Variants in PLCG2 observed in about 807,000 individuals in gnomAD.
The protein encoded by PLCG2 is phospholipase C gamma 2.
In PLCG2, 69 loss-of-function variants were observed where a neutral mutation model predicts 175.6. That is an observed-to-expected ratio of 0.39 (90% confidence interval 0.32 to 0.48). The LOEUF is 0.48. PLCG2 is among the 20% of genes least tolerant of loss of function. The pLI is 0.91. For synonymous variants in PLCG2, 827 were observed against 624.0 expected, an observed-to-expected ratio of 1.33 and a Z score of -4.85; for missense variants, 1,798 against 1,650.9, an observed-to-expected ratio of 1.09 and a Z score of -1.54.
At position 81,912,643 on chromosome 16, in the gene PLCG2, A is replaced by G. The variant is rs778096311; in HGVS notation, c.1981A>G (p.Met661Val). 2.5e-6 allele frequency: 4 copies of G among 1,613,338 alleles called. No homozygotes were observed. In the East Asian group the frequency reaches 8.9e-5, roughly 36 times the overall value. The change falls in exon 19 of 33, where the codon ATG (methionine) becomes GTG (valine). Residue 661 changes from methionine (M) to valine (V), a missense_variant. Transcript: ENST00000564138. ...CCGCGGAGAGGCAGAGGACATGCTGATGAGGATTCCCCGGGACGGGGCCTT... is the reference window on the plus strand; with the variant it reads ...CCGCGGAGAGGCAGAGGACATGCTGGTGAGGATTCCCCGGGACGGGGCCTT... ...LSRGEAEDML[M>V]RIPRDGAFLI...
intron 21 of PLCG2, chr16:81,921,739 T>C (rs1411281561): frequency 1.2e-5 from 3 of 240,042 alleles, no homozygotes; most frequent in Non-Finnish European, 1.6e-5. Flanking sequence ...TCAAATTTAG[T>C]TTGAGCCGGC....
chr16:81,744,093 C>T (rs1345792579), intron 1 of PLCG2, among the ~76,000 whole-genome samples: 5 of 151,232 alleles, frequency 3.3e-5, no homozygotes, highest in African/African-American at 4.9e-5. Context: ...CTCCTGACCT[C>T]GTAATCCACC....
In PLCG2 at chr16:81,766,136, T is replaced by C. The variant is rs536772679; in HGVS notation, c.-48+10170T>C. 3.0e-3 allele frequency among the ~76,000 whole-genome samples: 453 copies of C among 152,334 alleles called. 1 individual carries two copies. The highest frequency in any genetic ancestry group is 5.2e-3 in the Admixed American group (80 of 15,292). On this transcript the variant is annotated intron_variant, in intron 2 of 5. Transcript: ENST00000565054. The stretch of plus-strand genomic sequence containing the variant: ...TGGAGCTGGTTTGATTTTGTCAACA[T>C]GGGCACTGTTTATGATGGCAACAGC...
intron 7 of PLCG2, among the ~76,000 whole-genome samples, chr16:81,877,469 A>G (rs1424978801): frequency 1.3e-5 from 2 of 152,194 alleles, no homozygotes; most frequent in African/African-American, 2.4e-5. Context: ...AAACAAAACA[A>G]CAAAACACAG....
At chr16:81,824,459 G>A (rs949722984) in intron 2 of PLCG2, among the ~76,000 whole-genome samples, 4 of 152,128 alleles carry the variant, frequency 2.6e-5, no homozygotes, top group African/African-American at 7.2e-5. Flanking sequence ...CTTGTGATTT[G>A]TCAGCAAACA....
At chr16:81,787,164 T>C (rs1216454231) in intron 2 of PLCG2, among the ~76,000 whole-genome samples, 1 of 152,226 alleles carries the variant, frequency 6.6e-6, no homozygotes, top group South Asian at 2.1e-4. Context: ...CATTTCATGC[T>C]ATTTCCAGGC....
intron 31 of PLCG2, among the ~76,000 whole-genome samples, chr16:81,955,616 G>A (rs970818890): frequency 2.6e-5 from 4 of 152,184 alleles, no homozygotes; most frequent in Non-Finnish European, 2.9e-5. Context: ...CTCACTCAGT[G>A]GCTGTTTTCC....
chr16:81,815,440 A>G (rs1904500925), intron 2 of PLCG2, among the ~76,000 whole-genome samples: 1 of 152,182 alleles, frequency 6.6e-6, no homozygotes, highest in Admixed American at 6.5e-5. Flanking sequence ...CCAGCGGGAA[A>G]CTGCAGGGGC....
chr16:81,945,994 C>T (rs187676892), intron 30 of PLCG2, among the ~76,000 whole-genome samples, 181 bp from the exon 31 acceptor site: 66 of 152,238 alleles, frequency 4.3e-4, no homozygotes, highest in Non-Finnish European at 7.9e-4. Context: ...TCATGGCTGC[C>T]GGCCTCTGTC....
chr16:81,869,338 G>T (rs563204700), intron 6 of PLCG2, 40 bp downstream of exon 6: 1 of 1,397,408 alleles, frequency 7.2e-7, no homozygotes, highest in Non-Finnish European at 1.0e-6. Context: ...TATGAATGCG[G>T]AGTGACTTAG....
At chr16:81,867,067 C>T (rs890524783) in intron 5 of PLCG2, among the ~76,000 whole-genome samples, 5 of 152,216 alleles carry the variant, frequency 3.3e-5, no homozygotes, top group Non-Finnish European at 7.3e-5. Context: ...TGGGGAGCAT[C>T]TTGTCATTTG....
chr16:81,815,169 G>A (rs542593063), intron 2 of PLCG2, among the ~76,000 whole-genome samples: 1 of 152,276 alleles, frequency 6.6e-6, no homozygotes, highest in African/African-American at 2.4e-5. Flanking sequence ...GCTCTGGAAC[G>A]CCTCTTCATG....
rs187450589 is a variant in PLCG2, at chr16:81,920,050, G to A, written c.2235+386G>A. On this transcript the variant is annotated intron_variant, in intron 20 of 32. Coordinates refer to ENST00000564138, the MANE Select transcript of PLCG2 (RefSeq NM_002661.5). ...TCTGGAGGAAGAGAGGATAGCATGCGCAAAGGTCCTGAGGTAGAAGCCTGC... is the reference window on the plus strand; with the variant it reads ...TCTGGAGGAAGAGAGGATAGCATGCACAAAGGTCCTGAGGTAGAAGCCTGC... 1.4e-4 allele frequency among the ~76,000 whole-genome samples: 21 copies of A among 152,290 alleles called. No homozygotes were observed. The East Asian group carries it at 1.7e-3, about 13-fold the overall frequency.
intron 5 of PLCG2, among the ~76,000 whole-genome samples, chr16:81,864,670 A>G (rs1449058290): frequency 2.0e-5 from 3 of 152,178 alleles, no homozygotes; most frequent in Admixed American, 6.5e-5. Context: ...TAAACACTTG[A>G]CGAATGTTTC....
chr16:81,907,730 T>G lies in PLCG2; in HGVS notation c.1513T>G (p.Phe505Val), dbSNP rs1909437904. The G allele has an allele frequency of 1.2e-6, 2 of 1,613,904 alleles. No individual in the cohort carries two copies. The highest frequency in any genetic ancestry group is 1.7e-6 in the Non-Finnish European group (2 of 1,179,918). The change falls in exon 16 of 33, where the codon TTC (phenylalanine) becomes GTC (valine). Residue 505 changes from phenylalanine to valine, a missense_variant. Phe to Val is a conservative substitution (Grantham distance 50, BLOSUM62 -1). Coordinates refer to ENST00000564138, the MANE Select transcript of PLCG2 (RefSeq NM_002661.5). ...CGCCATTGCCGATGCCAAGCTGTCC[T>G]TCAGTGATGACATTGAACAGACTAT... ...YCAIADAKLS[F>V]SDDIEQTMEE...
At chr16:81,883,829 G>C (rs1028593697) in intron 9 of PLCG2, among the ~76,000 whole-genome samples, 1 of 152,246 alleles carries the variant, frequency 6.6e-6, no homozygotes, top group Non-Finnish European at 1.5e-5. Context: ...TCCCTGGACA[G>C]GGTTTGCCTG....
Position 81,905,474 on chromosome 16 carries a change from G to A in PLCG2, c.1434G>A (p.Gln478=). 3 of 1,614,068 alleles carry A rather than the reference G, an allele frequency of 1.9e-6. No homozygotes were observed. The highest frequency in any genetic ancestry group is 2.5e-6 in the Non-Finnish European group (3 of 1,179,926). Residue 478 remains glutamine, a synonymous_variant, in exon 15 of 33, where the codon CAG becomes CAA. Coordinates refer to ENST00000564138, the MANE Select transcript of PLCG2 (RefSeq NM_002661.5). Reference sequence around the variant, plus strand: ...ACAAGAAGGACGAACACAAGCAACAGGGGGAGCTGTACATGTGGGATTCCA... The same window carrying A: ...ACAAGAAGGACGAACACAAGCAACAAGGGGAGCTGTACATGTGGGATTCCA... ...MEDKKDEHKQ[Q]GELYMWDSID...
intron 2 of PLCG2, among the ~76,000 whole-genome samples, chr16:81,768,539 G>A (rs1195158652): frequency 6.9e-6 from 1 of 145,774 alleles, no homozygotes; most frequent in African/African-American, 2.5e-5. Flanking sequence ...ACCAGCACTC[G>A]GTGTTATCCT....
chr16:81,827,179 A>G (rs1234948385), intron 2 of PLCG2, among the ~76,000 whole-genome samples: 3 of 139,098 alleles, frequency 2.2e-5, no homozygotes, highest in Admixed American at 1.5e-4. Context: ...TACATTATAG[A>G]GGATTGCTGG....
Sources: allele counts gnomAD v4.1 joint callset (sites outside exome capture counted in the v4.1 genomes callset), GRCh38; gene constraint gnomAD v4.1.1; transcripts MANE v1.5; gene names NCBI Gene and HGNC (gene_info 2026-07-23, HGNC 2026-07-21).